Variants in RALYL observed in about 807,000 individuals in gnomAD.
The protein encoded by RALYL is RALY RNA binding protein like.
In RALYL, 29 loss-of-function variants were observed where a neutral mutation model predicts 35.1. The ratio of observed to expected loss-of-function variants is 0.83; its 90% CI spans 0.61 to 1.13. The LOEUF is 1.13. Among genes scored for constraint, RALYL ranks in the 50% most tolerant of loss-of-function variants. The probability of loss-of-function intolerance (pLI) is 0.00; values close to 1 mark genes in which losing one functional copy is unlikely to be tolerated. For missense variants in RALYL, 359 were observed against 360.4 expected (o/e 1.00, Z 0.03); for synonymous variants, 120 against 127.6 (o/e 0.94, Z 0.40).
rs527988790 is a variant in RALYL at position 84,642,788 on chromosome 8, G to A, written c.256+113211G>A. Among the ~76,000 whole-genome samples the A allele has an allele frequency of 2.4e-4, 35 of 147,750 alleles. No homozygotes were observed. In the South Asian group the frequency reaches 6.9e-3, roughly 29 times the overall value. ...AAAGGAGGTCAGGTTTTACAGAAGA[G>A]AGGATGAAAGAGAAAGGTAGGAGAA... On this transcript the variant is annotated intron_variant, in intron 2 of 8. Coordinates refer to ENST00000521268, the MANE Select transcript of RALYL (RefSeq NM_173848.7).
intron 2 of RALYL, among the ~76,000 whole-genome samples, chr8:84,682,857 C>T (rs975081512): frequency 1.4e-4 from 22 of 151,758 alleles, no homozygotes; most frequent in Admixed American, 7.9e-4. Flanking sequence ...TCTGCTCTGA[C>T]CTTAGTTATT....
intron 2 of RALYL, among the ~76,000 whole-genome samples, chr8:84,749,500 A>G (rs1020886902): frequency 2.0e-5 from 3 of 152,162 alleles, no homozygotes; most frequent in Non-Finnish European, 4.4e-5. Flanking sequence ...ACAATATTCC[A>G]CATACTATGA....
At chr8:84,287,646 T>A (rs540782410) in intron 1 of RALYL, among the ~76,000 whole-genome samples, 44 of 152,060 alleles carry the variant, frequency 2.9e-4, no homozygotes, top group Non-Finnish European at 5.7e-4. Context: ...AAAAAGCCCC[T>A]TAATAGGGCT....
intron 4 of RALYL, among the ~76,000 whole-genome samples, chr8:84,820,309 A>G (rs957152649): frequency 1.3e-5 from 2 of 152,252 alleles, no homozygotes; most frequent in African/African-American, 4.8e-5. Context: ...AGTCTAAATT[A>G]GCCAAACTAA....
At chr8:84,883,138 A>G (rs2135380408) in intron 7 of RALYL, among the ~76,000 whole-genome samples, 1 of 152,142 alleles carries the variant, frequency 6.6e-6, no homozygotes, top group Middle Eastern at 3.4e-3. Context: ...TTATAATTAA[A>G]GCTTTTTTTT....
intron 2 of RALYL, among the ~76,000 whole-genome samples, chr8:84,706,681 C>T (rs1841272961): frequency 1.3e-5 from 2 of 152,126 alleles, no homozygotes; most frequent in African/African-American, 4.8e-5. Context: ...AAAGGAGCAG[C>T]ACAATTACCC....
intron 2 of RALYL, among the ~76,000 whole-genome samples, chr8:84,645,137 C>G (rs781768415): frequency 1.3e-5 from 2 of 152,030 alleles, no homozygotes; most frequent in Admixed American, 1.3e-4. Context: ...TGAATACATC[C>G]TAATCACATT....
intron 8 of RALYL, among the ~76,000 whole-genome samples, chr8:84,901,932 T>C (rs1460228416): frequency 6.6e-6 from 1 of 152,124 alleles, no homozygotes; most frequent in Non-Finnish European, 1.5e-5. Context: ...GTGAGTCTTA[T>C]CTAAATCAAC....
intron 2 of RALYL, among the ~76,000 whole-genome samples, chr8:84,598,096 G>T (rs1273474877): frequency 6.6e-6 from 1 of 152,000 alleles, no homozygotes; most frequent in African/African-American, 2.4e-5. Flanking sequence ...AGATTGTTCT[G>T]CTCTGCCTTG....
intron 1 of RALYL, among the ~76,000 whole-genome samples, chr8:84,468,295 C>T (rs1465741980): frequency 6.6e-6 from 1 of 151,988 alleles, no homozygotes; most frequent in African/African-American, 2.4e-5. Flanking sequence ...TTGTTCCTTT[C>T]CATGTTTAGT....
chr8:84,464,797 C>T (rs1350547347), intron 1 of RALYL, among the ~76,000 whole-genome samples: 1 of 147,998 alleles, frequency 6.8e-6, no homozygotes, highest in Non-Finnish European at 1.5e-5. Flanking sequence ...TCCTCTCCAG[C>T]ACCTGTTGTT....
intron 1 of RALYL, among the ~76,000 whole-genome samples, chr8:84,278,051 C>T (rs1379705695): frequency 6.6e-6 from 1 of 152,262 alleles, no homozygotes; most frequent in Non-Finnish European, 1.5e-5. Flanking sequence ...ACCCCACATT[C>T]CCTTTCACAC....
At chr8:84,276,624 T>C (rs1327581736) in intron 1 of RALYL, among the ~76,000 whole-genome samples, 1 of 152,176 alleles carries the variant, frequency 6.6e-6, no homozygotes, top group Non-Finnish European at 1.5e-5. Context: ...AGTCATCCTA[T>C]TGACTCAGTC....
At chr8:84,200,265 A>G (rs943119870) in intron 1 of RALYL, among the ~76,000 whole-genome samples, 2 of 152,138 alleles carry the variant, frequency 1.3e-5, no homozygotes, top group East Asian at 1.9e-4. Context: ...AAATAAATAC[A>G]TTGGATGCTG....
chr8:84,727,242 T>C (rs1845136816), intron 2 of RALYL, among the ~76,000 whole-genome samples: 1 of 151,834 alleles, frequency 6.6e-6, no homozygotes, highest in Non-Finnish European at 1.5e-5. Context: ...TCTTAAGATG[T>C]ATGAGACATG....
Position 84,469,207 on chromosome 8 carries a change from A to G in RALYL, c.-23-60092A>G, listed in dbSNP as rs530109736. Among the ~76,000 whole-genome samples the G allele has an allele frequency of 2.0e-4, 31 of 152,224 alleles. No homozygotes were observed. In the South Asian group the frequency reaches 5.0e-3, roughly 24 times the overall value. ...GTGAGGAACTGTGTTCCTTTGGAGG[A>G]GGAGAGGCTCTCTGCTTTTTAGAGT... On this transcript the variant is annotated intron_variant, in intron 1 of 8. Coordinates refer to ENST00000521268, the MANE Select transcript of RALYL (RefSeq NM_173848.7).
intron 1 of RALYL, among the ~76,000 whole-genome samples, chr8:84,303,860 G>A (rs1191310950): frequency 1.3e-5 from 2 of 151,794 alleles, no homozygotes; most frequent in African/African-American, 4.8e-5. Flanking sequence ...ACATTTCTAC[G>A]ACCTATATAT....
chr8:84,691,820 T>C (rs964944929), intron 2 of RALYL, among the ~76,000 whole-genome samples: 6 of 152,052 alleles, frequency 3.9e-5, no homozygotes, highest in Non-Finnish European at 7.4e-5. Context: ...AACTTTCTCA[T>C]GTGCATAGAT....
At chr8:84,425,469 C>T (rs973714059) in intron 1 of RALYL, among the ~76,000 whole-genome samples, 2 of 152,008 alleles carry the variant, frequency 1.3e-5, no homozygotes, top group Non-Finnish European at 2.9e-5. Flanking sequence ...TAGTGAGATG[C>T]ACCCAGTACC....
Sources: allele counts gnomAD v4.1 joint callset (sites outside exome capture counted in the v4.1 genomes callset), GRCh38; gene constraint gnomAD v4.1.1; transcripts MANE v1.5; gene names NCBI Gene and HGNC (gene_info 2026-07-23, HGNC 2026-07-21).